LARGE1: variants seen among roughly 807,000 people sequenced by gnomAD.
LARGE1 encodes the protein LARGE xylosyl- and glucuronyltransferase 1, also known as xylosyl- and glucuronyltransferase LARGE1.
Under a neutral mutation model 87.6 loss-of-function variants are expected in LARGE1, and 43 were observed. The ratio of observed to expected loss-of-function variants is 0.49; its 90% CI spans 0.38 to 0.63. The LOEUF (loss-of-function observed/expected upper bound fraction) is 0.63. Among genes scored for constraint, LARGE1 ranks in the 30% least tolerant of loss-of-function variants. LARGE1 has a pLI of 0.00. For missense variants in LARGE1, 802 were observed against 1,000.2 expected, an observed-to-expected ratio of 0.80 and a Z score of 2.67; for synonymous variants, 434 against 394.6, an observed-to-expected ratio of 1.10 and a Z score of -1.18.
At chr22:33,079,159 T>C in the LARGE1 span, among the ~76,000 whole-genome samples, 1 of 151,058 alleles carries the variant, frequency 6.6e-6, no homozygotes, top group South Asian at 2.1e-4. Flanking sequence ...ATGATTAAGG[T>C]ACATAAAGCG....
chr22:33,623,991 C>T (rs962399248), intron 4 of LARGE1, among the ~76,000 whole-genome samples: 1 of 152,032 alleles, frequency 6.6e-6, no homozygotes, highest in Non-Finnish European at 1.5e-5. Flanking sequence ...GATCATGCCA[C>T]TGCACTCCAG....
intron 1 of LARGE1, among the ~76,000 whole-genome samples, chr22:33,893,574 C>G (rs1010090873): frequency 6.6e-6 from 1 of 152,208 alleles, no homozygotes; most frequent in African/African-American, 2.4e-5. Flanking sequence ...CGGAGAGCCA[C>G]AATTTTAAAT....
In LARGE1 at chr22:33,183,752, C is replaced by A. The variant is rs572589335; in HGVS notation, c.1731-16920G>T. Among the ~76,000 whole-genome samples, 4 of 152,046 alleles carry A rather than the reference C, an allele frequency of 2.6e-5. No homozygotes were observed. In the South Asian group the frequency reaches 8.3e-4, roughly 32 times the overall value. ...TAAACCAGACACAGAAAGGTGAGTA[C>A]TGGATGATATTTACTGTATGAAAGA... On this transcript the variant is annotated intron_variant, in intron 11 of 11. Coordinates refer to the LARGE1 transcript ENST00000608642.
At chr22:33,094,397 C>A in the LARGE1 span, among the ~76,000 whole-genome samples, 1 of 152,048 alleles carries the variant, frequency 6.6e-6, no homozygotes, top group Non-Finnish European at 1.5e-5. Flanking sequence ...CTCAACAGCT[C>A]CCCTGGCAAT....
chr22:33,205,970 T>TTTTTTTTTA (rs869217786), intron 11 of LARGE1, among the ~76,000 whole-genome samples: 4 of 132,538 alleles, frequency 3.0e-5, no homozygotes, highest in Admixed American at 7.3e-5. Context: ...TTTTTTTTTT[T>TTTTTTTTTA]GTGAGAGGGA....
the LARGE1 span, among the ~76,000 whole-genome samples, chr22:33,117,297 G>A: frequency 2.0e-5 from 3 of 152,184 alleles, no homozygotes; most frequent in Non-Finnish European, 4.4e-5. Flanking sequence ...TTTGATACAT[G>A]GAAGAGCATA....
chr22:33,263,660 T>A (rs1927768490), intron 11 of LARGE1, among the ~76,000 whole-genome samples: 1 of 152,216 alleles, frequency 6.6e-6, no homozygotes, highest in Non-Finnish European at 1.5e-5. Flanking sequence ...TGAGCACAGG[T>A]CTGCCATAAC....
At chr22:33,302,985 A>G (rs1046431502) in intron 12 of LARGE1, among the ~76,000 whole-genome samples, 1 of 152,174 alleles carries the variant, frequency 6.6e-6, no homozygotes, top group Non-Finnish European at 1.5e-5. Flanking sequence ...CTCACTAGGT[A>G]TTGGCATAAT....
At chr22:33,373,300 A>G (rs1039608853) in intron 9 of LARGE1, among the ~76,000 whole-genome samples, 5 of 152,246 alleles carry the variant, frequency 3.3e-5, no homozygotes, top group Admixed American at 3.3e-4. Flanking sequence ...TAGTAAAACC[A>G]TAAGAGATCA....
At chr22:33,541,464 G>A (rs1369864615) in intron 6 of LARGE1, among the ~76,000 whole-genome samples, 1 of 152,158 alleles carries the variant, frequency 6.6e-6, no homozygotes, top group Non-Finnish European at 1.5e-5. Context: ...GCTGACTGTA[G>A]GTAGTAGAAA....
At chr22:33,651,223 T>TAAAAAAAAAAAAAAA (rs1371688457) in intron 2 of LARGE1, among the ~76,000 whole-genome samples, 1 of 17,146 alleles carries the variant, frequency 5.8e-5, no homozygotes, top group African/African-American at 4.7e-4. Context: ...CTACTAAAAA[T>TAAAAAAAAAAAAAAA]ACAAAAAAAA....
intron 7 of LARGE1, 66 bp downstream of exon 7, chr22:33,432,095 G>T: frequency 7.7e-7 from 1 of 1,293,838 alleles, no homozygotes; most frequent in Non-Finnish European, 1.1e-6. Flanking sequence ...CTCCTCTCCT[G>T]CGGAAGGAGC....
At chr22:33,324,274 A>C (rs778044160) in intron 10 of LARGE1, among the ~76,000 whole-genome samples, 41 of 129,458 alleles carry the variant, frequency 3.2e-4, no homozygotes, top group Non-Finnish European at 5.4e-4. Flanking sequence ...AAAAACAAAA[A>C]CAAAAAGCCA....
intron 9 of LARGE1, among the ~76,000 whole-genome samples, chr22:33,342,147 A>T (rs1490378246): frequency 1.3e-5 from 2 of 152,176 alleles, no homozygotes; most frequent in African/African-American, 4.8e-5. Flanking sequence ...GCATTAAAAT[A>T]ATTGCATGTG....
intron 11 of LARGE1, among the ~76,000 whole-genome samples, chr22:33,216,348 G>A (rs1925201113): frequency 6.6e-6 from 1 of 152,168 alleles, no homozygotes; most frequent in Non-Finnish European, 1.5e-5. Flanking sequence ...GGCTTGGGGG[G>A]CTGGGCGTGG....
At chr22:33,729,045 G>A (rs1021203390) in intron 2 of LARGE1, among the ~76,000 whole-genome samples, 2 of 152,088 alleles carry the variant, frequency 1.3e-5, no homozygotes, top group Non-Finnish European at 2.9e-5. Context: ...ACCAATTTAT[G>A]TAGTGTCATC....
intron 2 of LARGE1, among the ~76,000 whole-genome samples, chr22:33,759,265 C>A (rs1402422677): frequency 2.0e-5 from 3 of 152,196 alleles, no homozygotes; most frequent in African/African-American, 4.8e-5. Flanking sequence ...CCAAAGAGTG[C>A]AAATCAAAAT....
At chr22:33,348,184 G>A (rs1013094235) in intron 9 of LARGE1, among the ~76,000 whole-genome samples, 1 of 152,002 alleles carries the variant, frequency 6.6e-6, no homozygotes. Flanking sequence ...TTAAAGTACT[G>A]GGCAGATGGG....
rs376405533 is a variant in LARGE1 at position 33,352,476 on chromosome 22, A to C, written c.1132-14675T>G. 3.9e-4 allele frequency among the ~76,000 whole-genome samples: 60 copies of C among 152,280 alleles called. 1 individual carries two copies. The South Asian group carries it at 0.012, about 31-fold the overall frequency. On this transcript the variant is annotated intron_variant, in intron 9 of 14. Transcript: ENST00000397394. ...GTACAACTGTTAGAAGATGCTGGCCAGGCATGGTGGCTCATGCCTGTAATC... is the reference window on the plus strand; with the variant it reads ...GTACAACTGTTAGAAGATGCTGGCCCGGCATGGTGGCTCATGCCTGTAATC...
Sources: gnomAD v4.1 joint callset for allele counts (sites outside exome capture counted in the v4.1 genomes callset) on GRCh38, gnomAD v4.1.1 for gene constraint, MANE v1.5 for transcripts, NCBI Gene and HGNC (gene_info 2026-07-23, HGNC 2026-07-21) for gene names.